The following ZSCAN31 variants were observed in gnomAD, a reference collection of about 807,000 sequenced individuals.
The protein encoded by ZSCAN31 is zinc finger and SCAN domain-containing protein 31.
Under a neutral mutation model 22.5 loss-of-function variants are expected in ZSCAN31, and 14 were observed. That is an observed-to-expected ratio of 0.62 (90% CI 0.41 to 0.97). The LOEUF is 0.97. Among genes scored for constraint, ZSCAN31 ranks in the 50% least tolerant of loss-of-function variants. ZSCAN31 has a pLI of 0.00. For missense variants in ZSCAN31, 424 were observed against 483.4 expected, an observed-to-expected ratio of 0.88 and a Z score of 1.15; for synonymous variants, 168 against 169.8, an observed-to-expected ratio of 0.99 and a Z score of 0.08.
chr6:28,340,972 C>A (rs1451822284), upstream of ZSCAN31, among the ~76,000 whole-genome samples: 1 of 152,106 alleles, frequency 6.6e-6, no homozygotes, highest in Non-Finnish European at 1.5e-5. Context: ...TTTCAGCTAT[C>A]ATTTAATAGA....
chr6:28,328,376 G>T (rs986043820), intron 2 of ZSCAN31, among the ~76,000 whole-genome samples: 6 of 152,290 alleles, frequency 3.9e-5, no homozygotes, highest in Non-Finnish European at 7.3e-5. Context: ...GCCCAGGGGG[G>T]CCAGTTCAGA....
At chr6:28,327,147 GT>G (rs1763345502) in intron 3 of ZSCAN31, among the ~76,000 whole-genome samples, 1 of 152,172 alleles carries the variant, frequency 6.6e-6, no homozygotes, top group South Asian at 2.1e-4. Context: ...TTTTACATAT[GT>G]TAACTTTTTA....
rs185916168 is a variant in ZSCAN31, at chr6:28,346,247, G to T, written c.-370-4455C>A. Among the ~76,000 whole-genome samples, 19 of 151,942 alleles carry T rather than the reference G, an allele frequency of 1.3e-4. No homozygotes were observed. The East Asian group carries it at 3.5e-3, about 28-fold the overall frequency. ...GGTTCCAATATCAAGAGAAGGTAAGGCTGCTGTTACACAGTGGGGACAGGG... is the reference window on the plus strand; with the variant it reads ...GGTTCCAATATCAAGAGAAGGTAAGTCTGCTGTTACACAGTGGGGACAGGG... On this transcript the variant is annotated intron_variant, in intron 2 of 7. Transcript: ENST00000396838.
intron 2 of ZSCAN31, among the ~76,000 whole-genome samples, chr6:28,344,046 T>C (rs1764537663): frequency 6.6e-6 from 1 of 152,172 alleles, no homozygotes; most frequent in African/African-American, 2.4e-5. Flanking sequence ...GGACTAAAGA[T>C]ACAATTCTAA....
At chr6:28,339,504 T>C (rs1581692700), upstream of ZSCAN31, among the ~76,000 whole-genome samples, 1 of 152,082 alleles carries the variant, frequency 6.6e-6, no homozygotes, top group Non-Finnish European at 1.5e-5. Flanking sequence ...GCCAGGCTGG[T>C]CTCAAACTCC....
In ZSCAN31 at chr6:28,351,919, T is replaced by A. The variant is rs946901697; in HGVS notation, c.-371+1943A>T. Among the ~76,000 whole-genome samples the A allele has an allele frequency of 6.6e-6, 1 of 152,150 alleles. No homozygotes were observed. Among genetic ancestry groups the A allele is most frequent in the African/African-American group, 2.4e-5 (1 of 41,454 alleles). On this transcript the variant is annotated intron_variant, in intron 2 of 7. Coordinates refer to the ZSCAN31 transcript ENST00000396838. The surrounding 1 kb of genome is among the most constrained non-coding windows in gnomAD (Gnocchi z 4.6). ...AGTATCATGATCACACGCAAAAAAA[T>A]TGACAATAATTCCTTGATATCATTA...
At position 28,333,285 on chromosome 6, in the gene ZSCAN31, A is replaced by G. The variant is rs1763899670; in HGVS notation, c.-96+2797T>C. On this transcript the variant is annotated intron_variant, in intron 1 of 3. Transcript: ENST00000344279. This position sits in a 1 kb window ranked among gnomAD's most constrained non-coding sequence, Gnocchi z 4.1. ...AAGGGACAAGGAGAGACTCATTACT[A>G]GTAACTAACCTATTTATTTGCTCAT... 6.6e-6 allele frequency among the ~76,000 whole-genome samples: 1 copy of G among 152,226 alleles called. No individual in the cohort carries two copies. Among genetic ancestry groups the G allele is most frequent in the Non-Finnish European group, 1.5e-5 (1 of 68,046 alleles).
intron 2 of ZSCAN31, among the ~76,000 whole-genome samples, chr6:28,341,963 T>G (rs1470290206): frequency 6.6e-6 from 1 of 152,170 alleles, no homozygotes; most frequent in Admixed American, 6.5e-5. Context: ...TTTTTAGAAT[T>G]TAGGTAGAAA....
chr6:28,344,311 A>G (rs747513928), intron 2 of ZSCAN31, among the ~76,000 whole-genome samples: 2 of 152,188 alleles, frequency 1.3e-5, no homozygotes, highest in Non-Finnish European at 2.9e-5. Flanking sequence ...GATATATTCA[A>G]TGAAGAATTA....
At position 28,351,145 on chromosome 6, in the gene ZSCAN31, A is replaced by G. The variant is rs1224553142; in HGVS notation, c.-371+2717T>C. 6.6e-6 allele frequency among the ~76,000 whole-genome samples: 1 copy of G among 152,166 alleles called. No individual in the cohort carries two copies. The highest frequency in any genetic ancestry group is 1.5e-5 in the Non-Finnish European group (1 of 68,032). The stretch of plus-strand genomic sequence containing the variant: ...AAACTTTCCTTTCCTTATCTTCAGT[A>G]TATTTACTGATTTGATAAATACTTT... On this transcript the variant is annotated intron_variant, in intron 2 of 7. Transcript: ENST00000396838. This position sits in a 1 kb window ranked among gnomAD's most constrained non-coding sequence, Gnocchi z 4.6.
At chr6:28,329,080 T>C (rs984864835) in intron 2 of ZSCAN31, among the ~76,000 whole-genome samples, 1 of 152,212 alleles carries the variant, frequency 6.6e-6, no homozygotes, top group Non-Finnish European at 1.5e-5. Context: ...AGTGAGTAGC[T>C]GAGGCCCCCT....
intron 2 of ZSCAN31, among the ~76,000 whole-genome samples, chr6:28,328,585 C>G (rs1763491998): frequency 6.6e-6 from 1 of 152,066 alleles, no homozygotes; most frequent in African/African-American, 2.4e-5. Context: ...TTCAAGGTGC[C>G]CACATTTCAT....
rs1765204525 is a variant in ZSCAN31, at chr6:28,353,573, A to T, written c.-371+289T>A. The T allele has an allele frequency of 1.2e-5, 3 of 259,814 alleles. No homozygotes were observed. The East Asian group carries it at 2.7e-4, about 23-fold the overall frequency. 16.1% of individuals were successfully genotyped at this position (259,814 alleles called of 1,614,324 possible). On this transcript the variant is annotated intron_variant, in intron 2 of 7. Transcript: ENST00000396838. Reference sequence around the variant, plus strand: ...GTTTCTAGATAATACCATACTGAGGAAGGAGTAGATTAGGAAGCAAGAAAA... The same window carrying T: ...GTTTCTAGATAATACCATACTGAGGTAGGAGTAGATTAGGAAGCAAGAAAA...
At chr6:28,339,957 C>G (rs550926700), upstream of ZSCAN31, among the ~76,000 whole-genome samples, 24 of 110,250 alleles carry the variant, frequency 2.2e-4, 2 homozygotes, top group African/African-American at 1.1e-3. Context: ...TCCATTTTTT[C>G]CCCTCAAATT....
At chr6:28,334,700 C>T (rs1445313316) in intron 1 of ZSCAN31, among the ~76,000 whole-genome samples, 1 of 152,014 alleles carries the variant, frequency 6.6e-6, no homozygotes, top group Admixed American at 6.5e-5. Flanking sequence ...GTAAAATTGC[C>T]CTAGGTTAAG....
intron 2 of ZSCAN31, among the ~76,000 whole-genome samples, chr6:28,345,916 T>C (rs2113862221): frequency 6.6e-6 from 1 of 152,272 alleles, no homozygotes; most frequent in Non-Finnish European, 1.5e-5. Flanking sequence ...AAGACAATAA[T>C]TATTATGTAG....
chr6:28,340,700 C>T (rs1032877427), upstream of ZSCAN31, among the ~76,000 whole-genome samples: 2 of 152,186 alleles, frequency 1.3e-5, no homozygotes, highest in African/African-American at 4.8e-5. Context: ...CTTCTCTGTA[C>T]ATTATAACTG....
chr6:28,327,433 A>G lies in ZSCAN31; in HGVS notation c.482T>C (p.Val161Ala), dbSNP rs1347813621. 1 of 1,614,076 alleles carries G rather than the reference A, an allele frequency of 6.2e-7. No homozygotes were observed. Among genetic ancestry groups the G allele is most frequent in the Non-Finnish European group, 8.5e-7 (1 of 1,180,030 alleles). ...AAAAGATTCATATCTGAGCTGTGTC[A>G]CCATAGGCTGAAGCTGTATGTCTGT... ...EPTDIQLQPM[V>A]TQLRYESFCL... The change falls in exon 3 of 4, where the codon GTG becomes GCG. Residue 161 changes from valine to alanine, a missense_variant. By Grantham distance (64) the Val-to-Ala change is moderately conservative. Coordinates refer to ENST00000344279, the MANE Select transcript of ZSCAN31 (RefSeq NM_030899.5).
chr6:28,332,732 T>A (rs537610357), intron 1 of ZSCAN31, among the ~76,000 whole-genome samples: 1 of 152,182 alleles, frequency 6.6e-6, no homozygotes, highest in Non-Finnish European at 1.5e-5. Flanking sequence ...GAAGAAATAT[T>A]CAAGAAAATC....
Sources: gnomAD v4.1 joint callset for allele counts (sites outside exome capture counted in the v4.1 genomes callset) on GRCh38, gnomAD v4.1.1 for gene constraint, Gnocchi (gnomAD v3.1) non-coding constraint, MANE v1.5 for transcripts, NCBI Gene and HGNC (gene_info 2026-07-23, HGNC 2026-07-21) for gene names.